ROS1: variants seen among roughly 807,000 people sequenced by gnomAD.
The protein encoded by ROS1 is ROS proto-oncogene 1, receptor tyrosine kinase, also known as proto-oncogene tyrosine-protein kinase ROS.
A neutral mutation model predicts 273.5 loss-of-function variants in ROS1; 263 were observed. The ratio of observed to expected loss-of-function variants is 0.96; its 90% CI spans 0.87 to 1.06. The LOEUF (loss-of-function observed/expected upper bound fraction) is 1.06. Ranked by LOEUF, ROS1 falls within the 50% of genes least tolerant of loss-of-function variation. The pLI is 0.00. For missense variants in ROS1, 2,833 were observed against 2,751.1 expected (o/e 1.03, Z -0.67); for synonymous variants, 1,008 against 954.1 (o/e 1.06, Z -1.04).
At chr6:117,402,888 C>CAAAAA (rs10617636) in intron 7 of ROS1, among the ~76,000 whole-genome samples, 1 of 113,868 alleles carries the variant, frequency 8.8e-6, no homozygotes, top group African/African-American at 3.1e-5. Flanking sequence ...ACTCTGTCTC[C>CAAAAA]AAAAAAAAAA....
chr6:117,309,508 A>G (rs1775373560), intron 41 of ROS1, among the ~76,000 whole-genome samples: 2 of 152,170 alleles, frequency 1.3e-5, no homozygotes, highest in African/African-American at 2.4e-5. Flanking sequence ...AAAAATTGGC[A>G]GCACTGAGAA....
chr6:117,317,319 G>T (rs988242970), intron 38 of ROS1, 47 bp from the exon 39 acceptor site: 1 of 1,582,772 alleles, frequency 6.3e-7, no homozygotes, highest in Non-Finnish European at 8.6e-7. Context: ...AGAAGCAGGA[G>T]TCCTAGCCGA....
intron 22 of ROS1, 134 bp from the exon 23 acceptor site, chr6:117,360,539 G>T: frequency 3.5e-6 from 2 of 570,514 alleles, no homozygotes; most frequent in Non-Finnish European, 6.2e-6. Flanking sequence ...AATAGTTATT[G>T]ACATTAATAT....
rs76168813 is a variant in ROS1, at chr6:117,383,636, C to T, written c.2290-128G>A. On this transcript the variant is annotated intron_variant, in intron 16 of 43. Coordinates refer to ENST00000368507, the MANE Select transcript of ROS1 (RefSeq NM_001378902.1). The stretch of plus-strand genomic sequence containing the variant: ...TCATTCAACCACAAATAGTGATTGG[C>T]ACTATGTGCTGGGTAGTGTAATAAG... 2.4e-3 allele frequency: 1,805 copies of T among 762,624 alleles called. 20 individuals carry two copies. The African/African-American group carries it at 0.027, about 11-fold the overall frequency. The allele number at this position is 762,624 out of a possible 1,614,324, so 47.2% of individuals were successfully genotyped here. A position where few individuals can be genotyped will look rare whatever the true frequency, so the allele number is the denominator to read the frequency against.
chr6:117,317,081 T>G, intron 39 of ROS1, 62 bp downstream of exon 39: 1 of 1,533,162 alleles, frequency 6.5e-7, no homozygotes, highest in Non-Finnish European at 8.8e-7. Flanking sequence ...TTAAAGAAAA[T>G]TAATAGGGAA....
chr6:117,314,338 C>T (rs948261753), intron 39 of ROS1, among the ~76,000 whole-genome samples: 3 of 151,848 alleles, frequency 2.0e-5, no homozygotes, highest in African/African-American at 7.3e-5. Context: ...TTTAGCAGAG[C>T]CAAGAGAGAT....
At chr6:117,363,376 G>A (rs139330291) in intron 21 of ROS1, among the ~76,000 whole-genome samples, 31 of 152,262 alleles carry the variant, frequency 2.0e-4, no homozygotes, top group East Asian at 1.2e-3. Flanking sequence ...GAGGCTGATC[G>A]TACCCCAAGA....
chr6:117,366,439 T>C (rs1014710443), intron 18 of ROS1, 149 bp from the exon 19 acceptor site: 2 of 626,046 alleles, frequency 3.2e-6, no homozygotes. Flanking sequence ...GATTATTGTC[T>C]TTTTTTGTTT....
chr6:117,397,777 A>G (rs1378597174), intron 7 of ROS1, among the ~76,000 whole-genome samples: 1 of 152,218 alleles, frequency 6.6e-6, no homozygotes, highest in African/African-American at 2.4e-5. Context: ...CCCAGCAGCT[A>G]CTTAAGTGGA....
At chr6:117,414,069 T>A (rs529554608) in intron 4 of ROS1, among the ~76,000 whole-genome samples, 1 of 151,980 alleles carries the variant, frequency 6.6e-6, no homozygotes, top group Non-Finnish European at 1.5e-5. Flanking sequence ...AGAAAGAAAG[T>A]TGCAATTAAA....
In ROS1 at chr6:117,356,744, A is replaced by G. The variant is rs1779346786; in HGVS notation, c.4011T>C (p.Ile1337=). Residue 1337 remains isoleucine (I), a synonymous_variant, in exon 26 of 44, where the codon ATT becomes ATC. Transcript: ENST00000368507. ...TEFELSGAMA[I]DTSNLEKPLI... ...ATGGTTTCTCTAGGTTAGAGGTATC[A>G]ATAGCCATTGCTCCACTTAACTCAA... is the stretch of plus-strand genomic sequence containing the variant. The G allele has an allele frequency of 1.2e-6, 2 of 1,614,182 alleles. No individual in the cohort carries two copies. The highest frequency in any genetic ancestry group is 1.1e-5 in the South Asian group (1 of 91,080).
chr6:117,350,987 G>A (rs1266677888), intron 27 of ROS1, among the ~76,000 whole-genome samples: 1 of 152,080 alleles, frequency 6.6e-6, no homozygotes, highest in African/African-American at 2.4e-5. Context: ...ATATTTAAAT[G>A]ATTGTGATAG....
At chr6:117,382,155 G>C (rs1463070605) in intron 17 of ROS1, among the ~76,000 whole-genome samples, 2 of 152,132 alleles carry the variant, frequency 1.3e-5, no homozygotes, top group African/African-American at 4.8e-5. Flanking sequence ...AAAAAAAAAT[G>C]CTTTCTTTGT....
rs56113300 is a variant in ROS1, at chr6:117,326,091, T to TTATATATA, written c.5539+125_5539+132dup. On this transcript the variant is annotated intron_variant, in intron 34 of 43. Transcript: ENST00000368507. ...TAGTTTAATAGTTTGGATAATAAGA[T>TTATATATA]TATATATATATATATATATATATAT... The TTATATATA allele has an allele frequency of 3.4e-3, 502 of 148,228 alleles. 1 individual carries two copies. Among genetic ancestry groups the TTATATATA allele is most frequent in the Admixed American group, 0.011 (128 of 11,944 alleles). 9.2% of individuals were successfully genotyped at this position (148,228 alleles called of 1,614,324 possible). A position where few individuals can be genotyped will look rare whatever the true frequency, so the allele number is the denominator to read the frequency against.
At chr6:117,372,164 G>A (rs1158283966) in intron 18 of ROS1, among the ~76,000 whole-genome samples, 1 of 152,110 alleles carries the variant, frequency 6.6e-6, no homozygotes, top group Non-Finnish European at 1.5e-5. Context: ...AAAGCTGAAA[G>A]CATTCCCTCT....
chr6:117,313,416 T>C (rs1236644014), intron 39 of ROS1, among the ~76,000 whole-genome samples: 2 of 151,812 alleles, frequency 1.3e-5, no homozygotes, highest in East Asian at 1.9e-4. Flanking sequence ...ACAAAAAATA[T>C]ACAAAAATTA....
At chr6:117,348,617 T>C (rs566260652) in intron 27 of ROS1, among the ~76,000 whole-genome samples, 1 of 151,882 alleles carries the variant, frequency 6.6e-6, no homozygotes, top group Non-Finnish European at 1.5e-5. Context: ...TTTTCTTTTG[T>C]TTTAGTTTTG....
At chr6:117,292,453 A>T (rs1206833980) in intron 43 of ROS1, among the ~76,000 whole-genome samples, 2 of 151,152 alleles carry the variant, frequency 1.3e-5, no homozygotes, top group East Asian at 3.9e-4. Flanking sequence ...CCATAACAAC[A>T]CTCCCTATGG....
intron 13 of ROS1, 52 bp downstream of exon 13, chr6:117,389,298 C>T (rs2128703297): frequency 6.5e-7 from 1 of 1,542,390 alleles, no homozygotes; most frequent in East Asian, 2.3e-5. Flanking sequence ...CAGTTCAAAC[C>T]TTCCTCTTAT....
Sources: allele counts gnomAD v4.1 joint callset (sites outside exome capture counted in the v4.1 genomes callset), GRCh38; gene constraint gnomAD v4.1.1; transcripts MANE v1.5; gene names NCBI Gene and HGNC (gene_info 2026-07-23, HGNC 2026-07-21).